The following PHGDH variants were observed in gnomAD, a reference collection of about 807,000 sequenced individuals.
PHGDH encodes D-3-phosphoglycerate dehydrogenase.
PHGDH carries 50 observed loss-of-function variants against 52.6 expected under a neutral mutation model. The observed-to-expected ratio is 0.95, with a 90% CI of 0.76 to 1.20. The LOEUF is 1.20. PHGDH is among the 50% of genes most tolerant of loss of function. PHGDH has a pLI of 0.00. For missense variants in PHGDH, 630 were observed against 684.6 expected, an observed-to-expected ratio of 0.92 and a Z score of 0.89; for synonymous variants, 271 against 280.5, an observed-to-expected ratio of 0.97 and a Z score of 0.34.
chr1:119,722,125 AG>A (rs1246694047), intron 2 of PHGDH, among the ~76,000 whole-genome samples: 1 of 152,248 alleles, frequency 6.6e-6, no homozygotes, highest in Non-Finnish European at 1.5e-5. Flanking sequence ...ATTCAACAGC[AG>A]AAATGTTAAA....
chr1:119,741,906 C>G lies in PHGDH; in HGVS notation c.1209+9C>G. On this transcript the variant is annotated intron_variant, in intron 10 of 11. Transcript: ENST00000641023. Reference sequence around the variant, plus strand: ...AAGAGGCTGGCCTCAATGTGCGCCCCTCTCCCCCACGCTGCCTCCCCATCC... The same window carrying G: ...AAGAGGCTGGCCTCAATGTGCGCCCGTCTCCCCCACGCTGCCTCCCCATCC... 1 of 1,611,624 alleles carries G rather than the reference C, an allele frequency of 6.2e-7. No individual in the cohort carries two copies. The highest frequency in any genetic ancestry group is 8.5e-7 in the Non-Finnish European group (1 of 1,177,932).
intron 1 of PHGDH, among the ~76,000 whole-genome samples, chr1:119,715,076 G>A (rs890667189): frequency 2.0e-5 from 3 of 152,132 alleles, no homozygotes; most frequent in Non-Finnish European, 4.4e-5. Flanking sequence ...TGTATCAGTG[G>A]CTTTTAAACT....
chr1:119,717,232 CAAAA>C (rs58549149), intron 1 of PHGDH, among the ~76,000 whole-genome samples: 63 of 37,350 alleles, frequency 1.7e-3, no homozygotes, highest in Admixed American at 6.5e-3. Context: ...AACTCTGTCT[CAAAA>C]AAAAAAAAAA....
chr1:119,743,908 G>A lies in PHGDH; in HGVS notation c.1470G>A (p.Val490=), dbSNP rs1571022094. ...TMIGLLAEAG[V]RLLSYQTSLV... is the part of the protein sequence containing the mutation. ...CAGGCCTCCTGGCAGAGGCAGGCGT[G>A]CGGCTGCTGTCCTACCAGACTTCAC... is the stretch of plus-strand genomic sequence containing the variant. The change falls in exon 12 of 12, where the codon GTG becomes GTA. Residue 490 remains valine (V), a synonymous_variant. Transcript: ENST00000641023. 2 of 1,613,884 alleles carry A rather than the reference G, an allele frequency of 1.2e-6. No homozygotes were observed. Among genetic ancestry groups the A allele is most frequent in the Admixed American group, 1.7e-5 (1 of 60,010 alleles).
intron 7 of PHGDH, among the ~76,000 whole-genome samples, chr1:119,735,987 T>C (rs1292979002): frequency 2.0e-5 from 3 of 152,170 alleles, no homozygotes; most frequent in East Asian, 1.9e-4. Context: ...CCAGATCCAG[T>C]AGGGAAGAGT....
At chr1:119,725,174 G>T (rs2101165928) in intron 3 of PHGDH, among the ~76,000 whole-genome samples, 1 of 152,316 alleles carries the variant, frequency 6.6e-6, no homozygotes, top group Middle Eastern at 3.4e-3. Context: ...TAGTAAGTCA[G>T]GCCAGCAACC....
chr1:119,721,363 G>C (rs757345833), intron 2 of PHGDH, 42 bp downstream of exon 2: 9 of 1,598,066 alleles, frequency 5.6e-6, no homozygotes, highest in Non-Finnish European at 7.7e-6. Flanking sequence ...GTAGGGGGGT[G>C]AGTGCGGAGA....
Position 119,734,637 on chromosome 1 carries a change from A to G in PHGDH, c.514A>G (p.Ile172Val), listed in dbSNP as rs749677150. Residue 172 changes from isoleucine to valine, a missense_variant, in exon 6 of 12, where the codon ATA (isoleucine) becomes GTA (valine). Coordinates refer to ENST00000641023, the MANE Select transcript of PHGDH (RefSeq NM_006623.4). ...CCTCTCTCTTGCTTCCAACCAGACT[A>G]TAGGGTATGACCCCATCATTTCCCC... ...TRMQSFGMKT[I>V]GYDPIISPEV... 46 of 1,613,938 alleles carry G rather than the reference A, an allele frequency of 2.9e-5. No individual in the cohort carries two copies. The highest frequency in any genetic ancestry group is 3.4e-5 in the Non-Finnish European group (40 of 1,179,912).
chr1:119,717,939 G>A (rs1356047215), intron 1 of PHGDH, among the ~76,000 whole-genome samples: 1 of 152,080 alleles, frequency 6.6e-6, no homozygotes, highest in Non-Finnish European at 1.5e-5. Context: ...GGTTTCTACC[G>A]GCCTCTCATC....
rs139682123 is a variant in PHGDH at position 119,721,951 on chromosome 1, G to A, written c.290+630G>A. On this transcript the variant is annotated intron_variant, in intron 2 of 11. Transcript: ENST00000641023. Reference sequence around the variant, plus strand: ...AGCACGCCAGTGCTGTACTGTACCCGTTCTGTCACTTAGATGGTATGGCAA... The same window carrying A: ...AGCACGCCAGTGCTGTACTGTACCCATTCTGTCACTTAGATGGTATGGCAA... Among the ~76,000 whole-genome samples, 114 of 152,318 alleles carry A rather than the reference G, an allele frequency of 7.5e-4. 2 individuals carry two copies. Among genetic ancestry groups the A allele is most frequent in the African/African-American group, 1.9e-3 (81 of 41,572 alleles).
Position 119,735,398 on chromosome 1 carries a change from G to A in PHGDH, c.747G>A (p.Leu249=), listed in dbSNP as rs1479897528. ...IVDEGALLRA[L]QSGQCAGAAL... ...ACGAAGGCGCCCTGCTCCGGGCCCT[G>A]CAGTCTGGCCAGTGTGCCGGGGCTG... Residue 249 remains leucine, a synonymous_variant, in exon 7 of 12, where the codon CTG becomes CTA. Coordinates refer to ENST00000641023, the MANE Select transcript of PHGDH (RefSeq NM_006623.4). 1 of 1,613,994 alleles carries A rather than the reference G, an allele frequency of 6.2e-7. No homozygotes were observed. Among genetic ancestry groups the A allele is most frequent in the Admixed American group, 1.7e-5 (1 of 60,016 alleles).
rs199629505 is a variant in PHGDH at position 119,740,380 on chromosome 1, C to G, written c.946-6C>G. 1 of 1,614,038 alleles carries G rather than the reference C, an allele frequency of 6.2e-7. No homozygotes were observed. Among genetic ancestry groups the G allele is most frequent in the Non-Finnish European group, 8.5e-7 (1 of 1,179,998 alleles). On this transcript the variant is annotated splice_region_variant and splice_polypyrimidine_tract_variant and intron_variant, in intron 8 of 11. Coordinates refer to ENST00000641023, the MANE Select transcript of PHGDH (RefSeq NM_006623.4). Reference sequence around the variant, plus strand: ...GACCACAGCCCCGCTCCTCCATCCTCTGCAGGTGAATGCCCAGGCCCTTAC... The same window carrying G: ...GACCACAGCCCCGCTCCTCCATCCTGTGCAGGTGAATGCCCAGGCCCTTAC...
chr1:119,726,063 T>C (rs1651394853), intron 3 of PHGDH, among the ~76,000 whole-genome samples: 1 of 152,194 alleles, frequency 6.6e-6, no homozygotes, highest in Non-Finnish European at 1.5e-5. Context: ...ACAGGACATA[T>C]ATCGCCCTTT....
At chr1:119,727,970 C>T (rs1290228033) in intron 5 of PHGDH, among the ~76,000 whole-genome samples, 1 of 152,102 alleles carries the variant, frequency 6.6e-6, no homozygotes, top group Non-Finnish European at 1.5e-5. Flanking sequence ...TTGGGTGGTC[C>T]TCTGGGTGCA....
chr1:119,733,650 T>A (rs1651803556), intron 5 of PHGDH, among the ~76,000 whole-genome samples: 1 of 152,208 alleles, frequency 6.6e-6, no homozygotes, highest in Admixed American at 6.5e-5. Flanking sequence ...CATTATATTC[T>A]AAAGTATCTA....
chr1:119,737,825 C>T (rs587734281), intron 8 of PHGDH, among the ~76,000 whole-genome samples: 11 of 152,322 alleles, frequency 7.2e-5, no homozygotes, highest in South Asian at 2.1e-4. Flanking sequence ...GCGTCTCCTA[C>T]GAGCTTAACC....
In PHGDH at chr1:119,737,165, C is replaced by G; in HGVS notation, c.844C>G (p.Pro282Ala). ...LVDHENVISC[P>A]HLGASTKEAQ... ...GGACCATGAGAATGTCATCAGCTGT[C>G]CCCACCTGGGTGCCAGCACCAAGGA... Residue 282 changes from proline (P) to alanine (A), a missense_variant, in exon 8 of 12, where the codon CCC becomes GCC. Pro to Ala is a conservative substitution (Grantham distance 27). Transcript: ENST00000641023. The G allele has an allele frequency of 6.2e-7, 1 of 1,614,122 alleles. No individual in the cohort carries two copies. Among genetic ancestry groups the G allele is most frequent in the Non-Finnish European group, 8.5e-7 (1 of 1,179,928 alleles).
rs758901465 is a variant in PHGDH, at chr1:119,712,088, C to A, written c.66C>A (p.Ile22=). ...SDSLDPCCRK[I]LQDGGLQVVE... ...GCCTGGACCCTTGCTGCCGGAAGATCTTGCAAGATGGAGGGCTGCAGGTGG... is the reference window on the plus strand; with the variant it reads ...GCCTGGACCCTTGCTGCCGGAAGATATTGCAAGATGGAGGGCTGCAGGTGG... Residue 22 remains isoleucine, a synonymous_variant, in exon 1 of 12, where the codon ATC becomes ATA. Coordinates refer to ENST00000641023, the MANE Select transcript of PHGDH (RefSeq NM_006623.4). 2 of 1,614,076 alleles carry A rather than the reference C, an allele frequency of 1.2e-6. No homozygotes were observed. The highest frequency in any genetic ancestry group is 1.7e-6 in the Non-Finnish European group (2 of 1,179,922).
At position 119,737,263 on chromosome 1, in the gene PHGDH, G is replaced by T; in HGVS notation, c.942G>T (p.Gly314=). Residue 314 remains glycine (G), a synonymous_variant, in exon 8 of 12, where the codon GGG becomes GGT. Transcript: ENST00000641023. ...TGGTGAAGGGGAAATCTCTCACGGG[G>T]GTTGTAAGTATCACCACCTGGGGCT... ...VDMVKGKSLT[G]VVNAQALTSA... 6.2e-7 allele frequency: 1 copy of T among 1,612,774 alleles called. No individual in the cohort carries two copies. Among genetic ancestry groups the T allele is most frequent in the East Asian group, 2.2e-5 (1 of 44,836 alleles).
Sources: gnomAD v4.1 joint callset for allele counts (sites outside exome capture counted in the v4.1 genomes callset) on GRCh38, gnomAD v4.1.1 for gene constraint, MANE v1.5 for transcripts, NCBI Gene and HGNC (gene_info 2026-07-23, HGNC 2026-07-21) for gene names.